CDK1: variants seen among roughly 807,000 people sequenced by gnomAD.
CDK1 encodes cyclin-dependent kinase 1.
In CDK1, 5 loss-of-function variants were observed where a neutral mutation model predicts 34.6. That is an observed-to-expected ratio of 0.14 (90% CI 0.08 to 0.30). The LOEUF (loss-of-function observed/expected upper bound fraction) is 0.30, where lower values mean the gene tolerates loss of function less well. Among genes scored for constraint, CDK1 ranks in the 10% least tolerant of loss-of-function variants. The pLI is 1.00. For missense variants in CDK1, 157 were observed against 345.7 expected, an observed-to-expected ratio of 0.45 and a Z score of 4.33; for synonymous variants, 108 against 114.7, an observed-to-expected ratio of 0.94 and a Z score of 0.37.
At chr10:60,786,935 A>T in intron 4 of CDK1, 1 of 980,782 alleles carries the variant, frequency 1.0e-6, no homozygotes. Context: ...AATGTATTAG[A>T]ATAATACATG....
intron 5 of CDK1, among the ~76,000 whole-genome samples, chr10:60,789,881 A>C (rs2080346963): frequency 2.0e-5 from 3 of 152,188 alleles, no homozygotes; most frequent in Non-Finnish European, 4.4e-5. Context: ...GTGCGTAAAA[A>C]GTTGCCCTTT....
chr10:60,792,113 A>AT (rs1257269580), intron 6 of CDK1, 35 bp from the exon 7 acceptor site: 1 of 1,598,198 alleles, frequency 6.3e-7, no homozygotes, highest in Admixed American at 1.8e-5. Context: ...GATTACATTT[A>AT]TGCTTTAAGA....
intron 5 of CDK1, among the ~76,000 whole-genome samples, chr10:60,790,927 T>C (rs1387699368): frequency 6.6e-6 from 1 of 152,228 alleles, no homozygotes; most frequent in African/African-American, 2.4e-5. Flanking sequence ...TCGGTTACTA[T>C]AGCTTTGTAA....
intron 1 of CDK1, among the ~76,000 whole-genome samples, chr10:60,779,620 AACTGTAAAC>A (rs1227031417): frequency 1.3e-5 from 2 of 152,344 alleles, no homozygotes; most frequent in Non-Finnish European, 2.9e-5. Flanking sequence ...TCACGTGGGC[AACTGTAAAC>A]ACTTAAAATG....
chr10:60,780,149 A>T lies in CDK1; in HGVS notation c.-17A>T. 1 of 1,502,736 alleles carries T rather than the reference A, an allele frequency of 6.7e-7. No homozygotes were observed. The highest frequency in any genetic ancestry group is 9.3e-7 in the Non-Finnish European group (1 of 1,079,112). The allele number at this position is 1,502,736 out of a possible 1,614,324, so 93.1% of individuals were successfully genotyped here. A position where few individuals can be genotyped will look rare whatever the true frequency, so the allele number is the denominator to read the frequency against. On this transcript the variant is annotated 5_prime_UTR_variant, in exon 2 of 8. Coordinates refer to ENST00000395284, the MANE Select transcript of CDK1 (RefSeq NM_001786.5). Reference sequence around the variant, plus strand: ...TTTTTCCTTCACTTTAGGATCTACCATACCCATTGACTAACTATGGAAGAT... The same window carrying T: ...TTTTTCCTTCACTTTAGGATCTACCTTACCCATTGACTAACTATGGAAGAT...
chr10:60,778,359 CTA>C (rs1427333984), upstream of CDK1: 2 of 152,340 alleles, frequency 1.3e-5, no homozygotes, highest in East Asian at 3.8e-4. Context: ...CTTTCGCGCT[CTA>C]GCCACCCGGG....
In CDK1 at chr10:60,787,917, A is replaced by G. The variant is rs1451403902; in HGVS notation, c.319-143A>G. The G allele has an allele frequency of 8.7e-6, 4 of 457,914 alleles. No individual in the cohort carries two copies. In the East Asian group the frequency reaches 1.3e-4, roughly 14 times the overall value. The allele number at this position is 457,914 out of a possible 1,614,324, so 28.4% of individuals were successfully genotyped here. On this transcript the variant is annotated intron_variant, in intron 4 of 7. Coordinates refer to ENST00000395284, the MANE Select transcript of CDK1 (RefSeq NM_001786.5). Reference sequence around the variant, plus strand: ...TTGTATATAAATGGGCTTCCCACCCACAAATGCTTATTAGCCTAAAATGGC... The same window carrying G: ...TTGTATATAAATGGGCTTCCCACCCGCAAATGCTTATTAGCCTAAAATGGC...
chr10:60,786,195 A>T (rs576522753), intron 4 of CDK1: 3 of 900,256 alleles, frequency 3.3e-6, no homozygotes, highest in East Asian at 2.4e-4. Context: ...ATAAAATTGT[A>T]TAGTTTTAAG....
chr10:60,791,989 C>T lies in CDK1; in HGVS notation c.589C>T (p.Leu197=), dbSNP rs756767206. The T allele has an allele frequency of 6.2e-7, 1 of 1,611,896 alleles. No homozygotes were observed. The highest frequency in any genetic ancestry group is 8.5e-7 in the Non-Finnish European group (1 of 1,178,158). ...GAGTATAGGCACCATATTTGCTGAA[C>T]TAGCAACTAAGAAACCACTTTTCCA... The part of the protein sequence containing the change: ...IWSIGTIFAE[L]ATKKPLFHGD... Residue 197 remains leucine (L), a synonymous_variant, in exon 6 of 8, where the codon CTA becomes TTA. Transcript: ENST00000395284.
In CDK1 at chr10:60,784,841, T is replaced by G. The variant is rs762256498; in HGVS notation, c.174T>G (p.Leu58=). Reference sequence around the variant, plus strand: ...GGGAAATTTCTCTATTAAAGGAACTTCGTCATCCAAATATAGTCAGGTATG... The same window carrying G: ...GGGAAATTTCTCTATTAAAGGAACTGCGTCATCCAAATATAGTCAGGTATG... ...AIREISLLKE[L]RHPNIVSLQD... The change falls in exon 3 of 8, where the codon CTT becomes CTG. Residue 58 remains leucine (L), a synonymous_variant. Transcript: ENST00000395284. 1.2e-6 allele frequency: 2 copies of G among 1,613,536 alleles called. No homozygotes were observed. The highest frequency in any genetic ancestry group is 1.6e-4 in the Middle Eastern group (1 of 6,062).
Position 60,784,809 on chromosome 10 carries a change from G to A in CDK1, c.142G>A (p.Ala48Thr), listed in dbSNP as rs1454245611. The A allele has an allele frequency of 6.2e-7, 1 of 1,613,098 alleles. No homozygotes were observed. The highest frequency in any genetic ancestry group is 8.5e-7 in the Non-Finnish European group (1 of 1,179,276). ...ESEEEGVPSTAIREISLLKEL... is the reference protein window; with the variant it reads ...ESEEEGVPSTTIREISLLKEL... ...TGAAGAGGAAGGGGTTCCTAGTACT[G>A]CAATTCGGGAAATTTCTCTATTAAA... The change falls in exon 3 of 8, where the codon GCA (alanine) becomes ACA (threonine). Residue 48 changes from alanine (A) to threonine (T), a missense_variant. Transcript: ENST00000395284.
chr10:60,785,978 A>C, intron 4 of CDK1, 191 bp downstream of exon 4: 1 of 1,180,234 alleles, frequency 8.5e-7, no homozygotes, highest in African/African-American at 1.6e-5. Context: ...TAGTGTTTCT[A>C]GTAAGTAAAA....
intron 4 of CDK1, chr10:60,786,747 ATG>A: frequency 2.2e-6 from 1 of 464,804 alleles, no homozygotes; most frequent in Non-Finnish European, 2.8e-6. Flanking sequence ...TCTGTTAACT[ATG>A]TGAAAAAGGC....
At chr10:60,779,590 G>C (rs1175164643) in intron 1 of CDK1, among the ~76,000 whole-genome samples, 1 of 152,286 alleles carries the variant, frequency 6.6e-6, no homozygotes, top group Non-Finnish European at 1.5e-5. Context: ...TCAGCAAGCA[G>C]AGGAAAAAGA....
At chr10:60,786,426 T>C in intron 4 of CDK1, 1 of 693,784 alleles carries the variant, frequency 1.4e-6, no homozygotes, top group Non-Finnish European at 1.8e-6. Flanking sequence ...TAGATCTACC[T>C]ATGTCTATTT....
At position 60,794,074 on chromosome 10, in the gene CDK1, C is replaced by CA; in HGVS notation, c.*102dup. Reference sequence around the variant, plus strand: ...TGTCTTATATATATTTCTTTGTTATCAAACTTCAGCTGTACTTCGTCTTCT... The same window carrying CA: ...TGTCTTATATATATTTCTTTGTTATCAAAACTTCAGCTGTACTTCGTCTTCT... On this transcript the variant is annotated 3_prime_UTR_variant, in exon 8 of 8. Coordinates refer to ENST00000395284, the MANE Select transcript of CDK1 (RefSeq NM_001786.5). 1 of 609,346 alleles carries CA rather than the reference C, an allele frequency of 1.6e-6. No homozygotes were observed. Among genetic ancestry groups the CA allele is most frequent in the South Asian group, 2.3e-5 (1 of 42,746 alleles). The allele number at this position is 609,346 out of a possible 1,614,324, so 37.7% of individuals were successfully genotyped here. A position where few individuals can be genotyped will look rare whatever the true frequency, so the allele number is the denominator to read the frequency against.
chr10:60,781,046 A>C (rs1424633717), intron 2 of CDK1, among the ~76,000 whole-genome samples: 1 of 102,990 alleles, frequency 9.7e-6, no homozygotes, highest in African/African-American at 3.5e-5. Flanking sequence ...GTGTGTATAC[A>C]TATATATATA....
chr10:60,784,875 T>A lies in CDK1; in HGVS notation c.194+14T>A, dbSNP rs766828966. ...AAATATAGTCAGGTATGTTGTAATA[T>A]CTGAATGTAAGCCATTTTCTGCATG... On this transcript the variant is annotated intron_variant, in intron 3 of 7. Transcript: ENST00000395284. 6.2e-7 allele frequency: 1 copy of A among 1,600,162 alleles called. No individual in the cohort carries two copies. Among genetic ancestry groups the A allele is most frequent in the East Asian group, 2.2e-5 (1 of 44,800 alleles).
chr10:60,794,086 G>C lies in CDK1; in HGVS notation c.*111G>C. The C allele has an allele frequency of 1.8e-6, 1 of 566,548 alleles. No homozygotes were observed. Among genetic ancestry groups the C allele is most frequent in the Non-Finnish European group, 3.1e-6 (1 of 318,390 alleles). 35.1% of individuals were successfully genotyped at this position (566,548 alleles called of 1,614,324 possible). ...ATTTCTTTGTTATCAAACTTCAGCT[G>C]TACTTCGTCTTCTAATTTCAAAAAT... On this transcript the variant is annotated 3_prime_UTR_variant, in exon 8 of 8. Transcript: ENST00000395284.
Sources: allele counts gnomAD v4.1 joint callset (sites outside exome capture counted in the v4.1 genomes callset), GRCh38; gene constraint gnomAD v4.1.1; transcripts MANE v1.5; gene names NCBI Gene and HGNC (gene_info 2026-07-23, HGNC 2026-07-21).